The following NDFIP2 variants were observed in gnomAD, a reference collection of about 807,000 sequenced individuals.
NDFIP2 encodes Nedd4 family interacting protein 2.
In NDFIP2, 19 loss-of-function variants were observed where a neutral mutation model predicts 36.0. The ratio of observed to expected loss-of-function variants is 0.53; its 90% CI spans 0.37 to 0.77. The LOEUF (loss-of-function observed/expected upper bound fraction) is 0.77. Ranked by LOEUF, NDFIP2 falls within the 30% of genes least tolerant of loss-of-function variation. The pLI is 0.00. For missense variants in NDFIP2, 446 were observed against 435.8 expected (o/e 1.02, Z -0.21); for synonymous variants, 181 against 167.7 (o/e 1.08, Z -0.61).
intron 3 of NDFIP2, 87 bp from the exon 4 acceptor site, chr13:79,539,595 T>G: frequency 2.0e-6 from 2 of 1,020,192 alleles, no homozygotes; most frequent in Non-Finnish European, 3.0e-6. Flanking sequence ...ATTGAGAACA[T>G]TAGATGTTGC....
rs780155982 is a variant in NDFIP2, at chr13:79,539,785, C to A, written c.715+10C>A. The A allele has an allele frequency of 6.2e-7, 1 of 1,610,394 alleles. No homozygotes were observed. Among genetic ancestry groups the A allele is most frequent in the Non-Finnish European group, 8.5e-7 (1 of 1,176,808 alleles). ...ATGCTGGCATTTTTCAGTAAGTAAT[C>A]TTCCTAAACTATTTTGGGTTGTTTT... On this transcript the variant is annotated intron_variant, in intron 4 of 7. Coordinates refer to ENST00000218652, the MANE Select transcript of NDFIP2 (RefSeq NM_019080.3).
rs183259392 is a variant in NDFIP2, at chr13:79,520,076, C to T, written c.322-734C>T. ...TTGGCCTCCCAATGTGCTGGTATTA[C>T]AGGTGTGAGCCACTGTGCCCAGCCT... On this transcript the variant is annotated intron_variant, in intron 1 of 7. Coordinates refer to ENST00000218652, the MANE Select transcript of NDFIP2 (RefSeq NM_019080.3). Among the ~76,000 whole-genome samples, 5 of 152,354 alleles carry T rather than the reference C, an allele frequency of 3.3e-5. No homozygotes were observed. In the East Asian group the frequency reaches 9.6e-4, roughly 29 times the overall value.
chr13:79,525,948 T>C (rs899079682), intron 2 of NDFIP2, among the ~76,000 whole-genome samples: 1 of 152,232 alleles, frequency 6.6e-6, no homozygotes, highest in Admixed American at 6.5e-5. Context: ...ATACACACTT[T>C]TCATGCCATG....
intron 1 of NDFIP2, among the ~76,000 whole-genome samples, chr13:79,485,838 C>T (rs1335077717): frequency 1.3e-5 from 2 of 152,104 alleles, no homozygotes; most frequent in East Asian, 3.8e-4. Flanking sequence ...GTACTTAATC[C>T]ATTCTCCTTA....
At chr13:79,549,879 C>A (rs1411308293) in intron 6 of NDFIP2, among the ~76,000 whole-genome samples, 1 of 151,728 alleles carries the variant, frequency 6.6e-6, no homozygotes, top group Non-Finnish European at 1.5e-5. Context: ...GAAGCAGATG[C>A]GATTGGGTTT....
rs1210916780 is a variant in NDFIP2 at position 79,555,286 on chromosome 13, G to A, written c.*2773G>A. 2 of 149,274 alleles carry A rather than the reference G, an allele frequency of 1.3e-5. No individual in the cohort carries two copies. The highest frequency in any genetic ancestry group is 1.5e-5 in the Non-Finnish European group (1 of 67,264). 9.2% of individuals were successfully genotyped at this position (149,274 alleles called of 1,614,324 possible). A position where few individuals can be genotyped will look rare whatever the true frequency, so the allele number is the denominator to read the frequency against. On this transcript the variant is annotated 3_prime_UTR_variant, in exon 8 of 8. Coordinates refer to ENST00000218652, the MANE Select transcript of NDFIP2 (RefSeq NM_019080.3). The stretch of plus-strand genomic sequence containing the variant: ...AAGAAGTGCAAAAAGTAATGATAGT[G>A]AATGTGATACCATACTTAACTAAGG...
At chr13:79,528,784 C>T (rs1874898169) in intron 2 of NDFIP2, among the ~76,000 whole-genome samples, 1 of 151,846 alleles carries the variant, frequency 6.6e-6, no homozygotes, top group African/African-American at 2.4e-5. Flanking sequence ...GGCTATATAC[C>T]ATATAGCCTA....
At chr13:79,521,366 A>G (rs1456483791) in intron 2 of NDFIP2, among the ~76,000 whole-genome samples, 2 of 152,092 alleles carry the variant, frequency 1.3e-5, no homozygotes, top group Admixed American at 6.6e-5. Context: ...TCTGGCTACA[A>G]TTTTTATTTC....
In NDFIP2 at chr13:79,529,955, C is replaced by CT. The variant is rs1440295169; in HGVS notation, c.488-3366dup. Among the ~76,000 whole-genome samples the CT allele has an allele frequency of 5.3e-5, 8 of 152,160 alleles. No homozygotes were observed. The East Asian group carries it at 1.5e-3, about 29-fold the overall frequency. ...ACAAAAGTTATGTTTACGCTATACT[C>CT]TTAAGGGTGCAGTAGCATTATGTTT... is the stretch of plus-strand genomic sequence containing the variant. On this transcript the variant is annotated intron_variant, in intron 2 of 7. Transcript: ENST00000218652.
chr13:79,537,355 C>T (rs1875282976), intron 3 of NDFIP2, among the ~76,000 whole-genome samples: 1 of 152,106 alleles, frequency 6.6e-6, no homozygotes, highest in Non-Finnish European at 1.5e-5. Context: ...AAGTGATCCA[C>T]CCACCTCGGC....
intron 1 of NDFIP2, among the ~76,000 whole-genome samples, chr13:79,505,844 T>G (rs147102068): frequency 3.7e-4 from 57 of 152,276 alleles, no homozygotes; most frequent in African/African-American, 1.3e-3. Flanking sequence ...TGGGTTTCAT[T>G]AGAAAATCAT....
chr13:79,547,790 TA>T (rs755635297), intron 5 of NDFIP2, among the ~76,000 whole-genome samples: 3 of 152,086 alleles, frequency 2.0e-5, no homozygotes, highest in African/African-American at 4.8e-5. Context: ...AGTTTGAAAA[TA>T]AAAAGACTCT....
intron 6 of NDFIP2, among the ~76,000 whole-genome samples, chr13:79,550,031 A>C (rs1182961354): frequency 6.6e-6 from 1 of 151,808 alleles, no homozygotes; most frequent in Non-Finnish European, 1.5e-5. Flanking sequence ...GAGACTTCAT[A>C]TTTTAAATTC....
At chr13:79,531,041 T>C (rs1256840642) in intron 2 of NDFIP2, among the ~76,000 whole-genome samples, 1 of 152,164 alleles carries the variant, frequency 6.6e-6, no homozygotes, top group African/African-American at 2.4e-5. Context: ...AGCTCTAAAA[T>C]CATAAGACTT....
chr13:79,546,420 A>G (rs1429112470), intron 5 of NDFIP2, among the ~76,000 whole-genome samples: 1 of 152,198 alleles, frequency 6.6e-6, no homozygotes, highest in East Asian at 1.9e-4. Flanking sequence ...GATGTAAACA[A>G]TGAAATAGTG....
chr13:79,488,047 A>T (rs748992308), intron 1 of NDFIP2, among the ~76,000 whole-genome samples: 1 of 152,168 alleles, frequency 6.6e-6, no homozygotes, highest in Non-Finnish European at 1.5e-5. Flanking sequence ...GTGTCTTTCT[A>T]ACCTTCTAGA....
At chr13:79,534,516 G>A (rs1377175091) in intron 3 of NDFIP2, among the ~76,000 whole-genome samples, 1 of 152,074 alleles carries the variant, frequency 6.6e-6, no homozygotes, top group East Asian at 1.9e-4. Context: ...GTAATGGAGA[G>A]TCAGTGAGAT....
At chr13:79,531,332 A>G (rs1302126093) in intron 2 of NDFIP2, among the ~76,000 whole-genome samples, 2 of 152,210 alleles carry the variant, frequency 1.3e-5, no homozygotes, top group African/African-American at 4.8e-5. Flanking sequence ...TAAGGGCTCT[A>G]TGATCTTCAG....
chr13:79,548,558 A>G (rs578101556), intron 6 of NDFIP2, among the ~76,000 whole-genome samples, 164 bp downstream of exon 6: 2 of 152,232 alleles, frequency 1.3e-5, no homozygotes, highest in African/African-American at 4.8e-5. Context: ...ATAGCACTAC[A>G]GATTTCTTAG....
Sources: allele counts gnomAD v4.1 joint callset (sites outside exome capture counted in the v4.1 genomes callset), GRCh38; gene constraint gnomAD v4.1.1; transcripts MANE v1.5; gene names NCBI Gene and HGNC (gene_info 2026-07-23, HGNC 2026-07-21).